The following FAP variants were observed in gnomAD, a reference collection of about 807,000 sequenced individuals.
FAP encodes the protein prolyl endopeptidase FAP.
In FAP, 110 loss-of-function variants were observed where a neutral mutation model predicts 126.5. The observed-to-expected ratio is 0.87, with a 90% CI of 0.74 to 1.02. FAP has a LOEUF of 1.02. Among genes scored for constraint, FAP ranks in the 50% least tolerant of loss-of-function variants. The pLI is 0.00. For missense variants in FAP, 919 were observed against 909.2 expected (o/e 1.01, Z -0.14); for synonymous variants, 334 against 297.3 (o/e 1.12, Z -1.27).
At chr2:162,223,764 AG>A (rs1689512456) in intron 5 of FAP, 104 bp from the exon 6 acceptor site, 2 of 733,730 alleles carry the variant, frequency 2.7e-6, no homozygotes, top group African/African-American at 3.5e-5. Context: ...GAATTATAAA[AG>A]GACTACTTTC....
At chr2:162,201,773 G>T (rs1361071540) in intron 14 of FAP, among the ~76,000 whole-genome samples, 3 of 152,134 alleles carry the variant, frequency 2.0e-5, no homozygotes, top group Non-Finnish European at 4.4e-5. Context: ...CGCAAACAAA[G>T]AAGGAGGTGC....
chr2:162,210,050 A>G, intron 11 of FAP, 54 bp from the exon 12 acceptor site: 1 of 1,502,088 alleles, frequency 6.7e-7, no homozygotes, highest in South Asian at 1.1e-5. Flanking sequence ...TTTTTTTCCT[A>G]AATGTAATCT....
rs752815533 is a variant in FAP at position 162,242,928 on chromosome 2, A to G, written c.71T>C (p.Ile24Thr). Residue 24 changes from isoleucine (I) to threonine (T), a missense_variant, in exon 2 of 26, where the codon ATT becomes ACT. Coordinates refer to ENST00000188790, the MANE Select transcript of FAP (RefSeq NM_004460.5). ...SAVLALLVMCIVLRPSRVHNS... is the reference protein window; with the variant it reads ...SAVLALLVMCTVLRPSRVHNS... Reference sequence around the variant, plus strand: ...CTTACCTCTTGAAGGGCGTAAGACAATGCACATCACCAATAAGGCAAGCAC... The same window carrying G: ...CTTACCTCTTGAAGGGCGTAAGACAGTGCACATCACCAATAAGGCAAGCAC... 1.2e-6 allele frequency: 2 copies of G among 1,613,168 alleles called. No homozygotes were observed. The highest frequency in any genetic ancestry group is 1.7e-6 in the Non-Finnish European group (2 of 1,179,418).
intron 20 of FAP, among the ~76,000 whole-genome samples, chr2:162,184,719 T>G (rs2106222947): frequency 6.6e-6 from 1 of 152,242 alleles, no homozygotes. Context: ...CTTGAGCAAT[T>G]CTTGCACAAA....
intron 1 of FAP, 118 bp downstream of exon 1, chr2:162,243,204 A>T: frequency 1.1e-6 from 1 of 887,394 alleles, no homozygotes; most frequent in Non-Finnish European, 1.8e-6. Flanking sequence ...ATCCCAACCC[A>T]TTGAGGAAGT....
intron 20 of FAP, among the ~76,000 whole-genome samples, chr2:162,186,315 T>C (rs986285614): frequency 6.6e-6 from 1 of 152,136 alleles, no homozygotes; most frequent in Admixed American, 6.6e-5. Flanking sequence ...TCAGAGAAAG[T>C]AGAGGTATCC....
At chr2:162,179,244 GGTT>G (rs1687599924) in intron 21 of FAP, among the ~76,000 whole-genome samples, 1 of 98,390 alleles carries the variant, frequency 1.0e-5, no homozygotes, top group African/African-American at 4.0e-5. Flanking sequence ...AAACTTGACA[GGTT>G]TTTTTTTTTT....
At position 162,192,179 on chromosome 2, in the gene FAP, C is replaced by A. The variant is rs116441849; in HGVS notation, c.1451-2425G>T. Among the ~76,000 whole-genome samples, 210 of 152,252 alleles carry A rather than the reference C, an allele frequency of 1.4e-3. 1 individual carries two copies. The highest frequency in any genetic ancestry group is 4.6e-3 in the African/African-American group (193 of 41,542). ...CCTCTTCTCATCACACTCAGACCAA[C>A]TGGAAATACTGTCTTTTTAAACTTA... On this transcript the variant is annotated intron_variant, in intron 17 of 25. Transcript: ENST00000188790.
At chr2:162,178,123 C>T (rs983135090) in intron 21 of FAP, among the ~76,000 whole-genome samples, 17 of 152,300 alleles carry the variant, frequency 1.1e-4, no homozygotes, top group African/African-American at 4.1e-4. Flanking sequence ...CCTACTTTTA[C>T]ATCGTTGATC....
intron 21 of FAP, 179 bp from the exon 22 acceptor site, chr2:162,175,145 T>C (rs985359941): frequency 1.9e-6 from 1 of 520,980 alleles, no homozygotes; most frequent in Non-Finnish European, 3.5e-6. Flanking sequence ...CCAGACATAA[T>C]GGTAATTTCT....
At chr2:162,214,160 T>TA (rs1400816194) in intron 10 of FAP, 87 bp from the exon 11 acceptor site, 36 of 1,270,558 alleles carry the variant, frequency 2.8e-5, no homozygotes, top group Non-Finnish European at 3.9e-5. Flanking sequence ...CTAAAGGATA[T>TA]ATGTCATTAT....
intron 3 of FAP, 87 bp from the exon 4 acceptor site, chr2:162,225,664 A>T: frequency 7.4e-7 from 1 of 1,359,626 alleles, no homozygotes; most frequent in Non-Finnish European, 9.8e-7. Flanking sequence ...TATTTCACAG[A>T]CCTACTTTGT....
intron 2 of FAP, among the ~76,000 whole-genome samples, chr2:162,239,057 C>T (rs1168444628): frequency 6.6e-6 from 1 of 151,958 alleles, no homozygotes; most frequent in African/African-American, 2.4e-5. Flanking sequence ...TATACATATT[C>T]TCTTTGTTGG....
At chr2:162,219,809 CT>C in intron 7 of FAP, 43 bp downstream of exon 7, 1 of 1,369,292 alleles carries the variant, frequency 7.3e-7, no homozygotes, top group Non-Finnish European at 1.0e-6. Flanking sequence ...AATGGCTCCT[CT>C]TTTATTTACA....
chr2:162,221,685 T>A (rs16846389), intron 6 of FAP: 19,292 of 456,642 alleles, frequency 0.042, 2,116 homozygotes, highest in Admixed American at 0.28. Context: ...TCTCAGCGCA[T>A]GTCTCAAGCC....
intron 2 of FAP, among the ~76,000 whole-genome samples, chr2:162,240,049 T>G (rs188964920): frequency 1.3e-5 from 2 of 152,158 alleles, no homozygotes; most frequent in African/African-American, 4.8e-5. Context: ...TCAGCCTTGT[T>G]GCATATTCAC....
chr2:162,196,668 T>A (rs1050236741), intron 16 of FAP, among the ~76,000 whole-genome samples: 1 of 152,052 alleles, frequency 6.6e-6, no homozygotes, highest in Non-Finnish European at 1.5e-5. Flanking sequence ...ATCGATATAA[T>A]TTTACCTGTT....
intron 9 of FAP, among the ~76,000 whole-genome samples, chr2:162,216,962 TTCCTGC>T (rs1230783915): frequency 6.6e-6 from 1 of 152,230 alleles, no homozygotes. Context: ...TCCCCGTCTC[TTCCTGC>T]TCCCATAGGT....
At chr2:162,205,718 G>C (rs1445124769) in intron 12 of FAP, among the ~76,000 whole-genome samples, 1 of 152,066 alleles carries the variant, frequency 6.6e-6, no homozygotes, top group African/African-American at 2.4e-5. Context: ...TCACCATGTT[G>C]GTCAGGCTGG....
Sources: allele counts gnomAD v4.1 joint callset (sites outside exome capture counted in the v4.1 genomes callset), GRCh38; gene constraint gnomAD v4.1.1; transcripts MANE v1.5; gene names NCBI Gene and HGNC (gene_info 2026-07-23, HGNC 2026-07-21).